The following ADK variants were observed in gnomAD, a reference collection of about 807,000 sequenced individuals.
ADK encodes adenosine kinase.
A neutral mutation model predicts 44.7 loss-of-function variants in ADK; 24 were observed. That is an observed-to-expected ratio of 0.54 (90% CI 0.39 to 0.76). ADK has a LOEUF of 0.76. Among genes scored for constraint, ADK ranks in the 30% least tolerant of loss-of-function variants. The pLI is 0.00. For synonymous variants in ADK, 128 were observed against 142.6 expected (o/e 0.90, Z 0.73); for missense variants, 321 against 425.1 (o/e 0.76, Z 2.15).
intron 1 of ADK, among the ~76,000 whole-genome samples, chr10:74,163,645 G>C (rs190417520): frequency 6.6e-6 from 1 of 152,268 alleles, no homozygotes; most frequent in East Asian, 1.9e-4. Flanking sequence ...GGGCAAAAAA[G>C]TCAAATTCAG....
intron 8 of ADK, among the ~76,000 whole-genome samples, chr10:74,598,772 C>T (rs1042951748): frequency 2.6e-5 from 4 of 152,024 alleles, no homozygotes; most frequent in African/African-American, 7.2e-5. Flanking sequence ...TAATTTATTC[C>T]TTATATCACC....
chr10:74,600,101 G>A (rs1330038581), intron 8 of ADK, among the ~76,000 whole-genome samples: 1 of 152,078 alleles, frequency 6.6e-6, no homozygotes, highest in Non-Finnish European at 1.5e-5. Context: ...ATAGTTCTTG[G>A]AGTTTACTTT....
In ADK at chr10:74,314,697, C is replaced by T. The variant is rs780042061; in HGVS notation, c.225C>T (p.Val75=). Residue 75 remains valine (V), a synonymous_variant, in exon 4 of 11, where the codon GTC becomes GTT. Transcript: ENST00000539909. ...LFDELVKKFK[V]EYHAGGSTQN... is the part of the protein sequence containing the mutation. ...ATGAACTTGTGAAAAAATTCAAAGT[C>T]GAATATCATGCTGGTGGCTCTACCC... 1.9e-5 allele frequency: 30 copies of T among 1,612,784 alleles called. No homozygotes were observed. Among genetic ancestry groups the T allele is most frequent in the Non-Finnish European group, 2.4e-5 (28 of 1,179,294 alleles).
chr10:74,471,860 G>A (rs568939907), intron 6 of ADK, among the ~76,000 whole-genome samples: 1 of 152,146 alleles, frequency 6.6e-6, no homozygotes, highest in African/African-American at 2.4e-5. Flanking sequence ...TTTGTGTCCT[G>A]CAACTTTGCT....
At chr10:74,341,248 G>A (rs757707280) in intron 4 of ADK, among the ~76,000 whole-genome samples, 35 of 151,834 alleles carry the variant, frequency 2.3e-4, no homozygotes, top group Non-Finnish European at 4.0e-4. Flanking sequence ...ATATCTGTGC[G>A]GTGGCTTACT....
chr10:74,453,428 T>C (rs1293888359), intron 6 of ADK, among the ~76,000 whole-genome samples: 2 of 152,106 alleles, frequency 1.3e-5, no homozygotes, highest in African/African-American at 4.8e-5. Context: ...TGAGAATGGT[T>C]CATTTTGTTT....
At chr10:74,203,132 A>G (rs918975146) in intron 2 of ADK, among the ~76,000 whole-genome samples, 1 of 152,190 alleles carries the variant, frequency 6.6e-6, no homozygotes, top group African/African-American at 2.4e-5. Context: ...TGTATAAGGT[A>G]TGAAATAAGG....
intron 2 of ADK, among the ~76,000 whole-genome samples, chr10:74,205,045 A>G: frequency 6.7e-6 from 1 of 148,330 alleles, no homozygotes; most frequent in African/African-American, 2.5e-5. Context: ...TGTCTCAAAA[A>G]AAAAAAAAAA....
chr10:74,470,118 G>A (rs1846512164), intron 6 of ADK, among the ~76,000 whole-genome samples: 1 of 149,754 alleles, frequency 6.7e-6, no homozygotes, highest in Non-Finnish European at 1.5e-5. Flanking sequence ...TCTGCCTCCT[G>A]GATTTGAGCA....
At chr10:74,558,925 C>CT (rs1429439823) in intron 7 of ADK, among the ~76,000 whole-genome samples, 1 of 152,198 alleles carries the variant, frequency 6.6e-6, no homozygotes, top group African/African-American at 2.4e-5. Context: ...CTCAGGAAGA[C>CT]TTAGGACTAA....
chr10:74,266,206 C>A (rs1313706439), intron 3 of ADK, among the ~76,000 whole-genome samples: 1 of 152,098 alleles, frequency 6.6e-6, no homozygotes, highest in East Asian at 1.9e-4. Flanking sequence ...CTAGGTGGTG[C>A]CATTAGTCTT....
chr10:74,485,508 A>G (rs1847236215), intron 6 of ADK, among the ~76,000 whole-genome samples: 4 of 150,344 alleles, frequency 2.7e-5, no homozygotes. Context: ...TAAATAAATA[A>G]TCCTTTGAAA....
At chr10:74,630,667 G>A (rs61859837) in intron 9 of ADK, among the ~76,000 whole-genome samples, 4,731 of 152,194 alleles carry the variant, frequency 0.031, 117 homozygotes, top group Middle Eastern at 0.051. Flanking sequence ...CTTGGTTAAA[G>A]TGGTGCCTGC....
chr10:74,557,470 T>C (rs1407479091), intron 7 of ADK, among the ~76,000 whole-genome samples: 1 of 152,242 alleles, frequency 6.6e-6, no homozygotes, highest in Non-Finnish European at 1.5e-5. Flanking sequence ...GGTCATTGTT[T>C]AAAATCTGGA....
chr10:74,218,525 A>G (rs1261691654), intron 2 of ADK, among the ~76,000 whole-genome samples: 3 of 152,190 alleles, frequency 2.0e-5, no homozygotes, highest in Non-Finnish European at 4.4e-5. Context: ...GAACGCCACA[A>G]AGATACTCCT....
chr10:74,230,912 C>T (rs866363604), intron 3 of ADK, among the ~76,000 whole-genome samples: 1 of 152,102 alleles, frequency 6.6e-6, no homozygotes, highest in African/African-American at 2.4e-5. Context: ...AAACTCCTGA[C>T]CTCAGGTGAT....
intron 7 of ADK, chr10:74,529,375 CATT>C (rs1016100631): frequency 7.9e-5 from 12 of 152,016 alleles, no homozygotes; most frequent in African/African-American, 2.7e-4. Flanking sequence ...AGGAATGAGG[CATT>C]ATTGTGTAAT....
chr10:74,363,074 A>G (rs994263279), intron 4 of ADK, among the ~76,000 whole-genome samples: 1 of 152,198 alleles, frequency 6.6e-6, no homozygotes, highest in African/African-American at 2.4e-5. Context: ...ATTGGCTCAG[A>G]TTAGCATGCA....
At chr10:74,282,662 A>G (rs1215564618) in intron 3 of ADK, among the ~76,000 whole-genome samples, 1 of 152,150 alleles carries the variant, frequency 6.6e-6, no homozygotes, top group Non-Finnish European at 1.5e-5. Context: ...TTCCCAGAAA[A>G]CATGTATTTC....
Sources: gnomAD v4.1 joint callset for allele counts (sites outside exome capture counted in the v4.1 genomes callset) on GRCh38, gnomAD v4.1.1 for gene constraint, MANE v1.5 for transcripts, NCBI Gene and HGNC (gene_info 2026-07-23, HGNC 2026-07-21) for gene names.